FAM90A20: variants seen among roughly 807,000 people sequenced by gnomAD.
The protein encoded by FAM90A20 is family with sequence similarity 90 member A20, also known as protein FAM90A20.
At chr8:7,297,487 T>A in the FAM90A20 span, 15 of 1,535,680 alleles carry the variant, frequency 9.8e-6, 1 homozygote, top group South Asian at 4.5e-5. Flanking sequence ...ATCTCAGCTT[T>A]GGGTCAGGAG....
At chr8:7,297,075 C>A in the FAM90A20 span, 4 of 1,507,152 alleles carry the variant, frequency 2.7e-6, 1 homozygote, top group Non-Finnish European at 3.6e-6. Context: ...GCAAGGGGGC[C>A]AATGCCGGTC....
chr8:7,296,194 C>T, the FAM90A20 span: 1 of 652,480 alleles, frequency 1.5e-6, no homozygotes, highest in Non-Finnish European at 2.8e-6. Context: ...ATTTCTGTAT[C>T]ACAAGACACG....
the FAM90A20 span, chr8:7,296,513 G>C: frequency 2.0e-5 from 13 of 641,654 alleles, 1 homozygote; most frequent in South Asian, 1.7e-4. Flanking sequence ...TGTCTTCTTG[G>C]GGTCAGGGCC....
the FAM90A20 span, chr8:7,295,875 C>G: frequency 7.4e-5 from 49 of 659,780 alleles, 9 homozygotes; most frequent in South Asian, 4.7e-4. Flanking sequence ...GTACTGCCTC[C>G]TAAGGACATG....
chr8:7,296,996 G>C, the FAM90A20 span: 4 of 1,332,692 alleles, frequency 3.0e-6, no homozygotes, highest in Middle Eastern at 2.5e-4. Context: ...GTCTTTGGAT[G>C]TGTTTGATTT....
chr8:7,296,169 G>T, the FAM90A20 span: 30 of 639,912 alleles, frequency 4.7e-5, 7 homozygotes, highest in Admixed American at 2.6e-4. Context: ...GAGGCGGAAA[G>T]GGCACCAGAT....
chr8:7,297,062 G>T, the FAM90A20 span: 13 of 1,502,250 alleles, frequency 8.7e-6, 2 homozygotes, highest in African/African-American at 3.9e-5. Flanking sequence ...TCTCTTTCAG[G>T]TTGCAAGGGG....
At chr8:7,296,005 T>C in the FAM90A20 span, among the ~76,000 whole-genome samples, 1 of 128,270 alleles carries the variant, frequency 7.8e-6, no homozygotes, top group Non-Finnish European at 1.5e-5. Context: ...CTCCTTGGGC[T>C]CTGGGAGATT....
the FAM90A20 span, chr8:7,295,566 T>A: frequency 1.5e-6 from 1 of 673,086 alleles, no homozygotes; most frequent in Non-Finnish European, 2.6e-6. Context: ...CATCCCAATG[T>A]TAACGTGGGA....
At chr8:7,296,031 G>T in the FAM90A20 span, among the ~76,000 whole-genome samples, 2 of 129,416 alleles carry the variant, frequency 1.5e-5, 1 homozygote, top group African/African-American at 8.4e-5. Flanking sequence ...ACGGGGAGAG[G>T]CGGGGGCGCT....
chr8:7,296,372 C>A, the FAM90A20 span: 8 of 744,814 alleles, frequency 1.1e-5, 2 homozygotes, highest in East Asian at 1.0e-4. Flanking sequence ...GGAAAAGGAT[C>A]CACGGAATCT....
At chr8:7,297,322 C>G in the FAM90A20 span, 2 of 1,362,718 alleles carry the variant, frequency 1.5e-6, no homozygotes, top group Admixed American at 3.4e-5. Context: ...CGACACACAG[C>G]AGCCCTGAGG....
At chr8:7,296,897 C>G in the FAM90A20 span, among the ~76,000 whole-genome samples, 1 of 137,186 alleles carries the variant, frequency 7.3e-6, no homozygotes, top group Non-Finnish European at 1.5e-5. Flanking sequence ...TGTGTCTTTT[C>G]CTGATCAGCA....
chr8:7,295,718 G>A, the FAM90A20 span: 1 of 924,214 alleles, frequency 1.1e-6, no homozygotes, highest in South Asian at 1.3e-5. Flanking sequence ...CCTGGTTCCA[G>A]CGACCTTGGG....
the FAM90A20 span, chr8:7,297,138 C>G: frequency 3.3e-6 from 5 of 1,524,320 alleles, 2 homozygotes; most frequent in Non-Finnish European, 4.4e-6. Context: ...GGTCGCTCAG[C>G]TACCGAAATG....
At chr8:7,296,906 C>T in the FAM90A20 span, among the ~76,000 whole-genome samples, 1 of 137,152 alleles carries the variant, frequency 7.3e-6, no homozygotes, top group African/African-American at 3.5e-5. Flanking sequence ...TCCTGATCAG[C>T]ACTCAGGTGG....
At chr8:7,297,292 G>A in the FAM90A20 span, 3 of 1,351,004 alleles carry the variant, frequency 2.2e-6, no homozygotes, top group Non-Finnish European at 2.1e-6. Context: ...AGGTCCACGA[G>A]ACTCTCCTCG....
At chr8:7,297,445 A>T in the FAM90A20 span, 6 of 1,554,294 alleles carry the variant, frequency 3.9e-6, no homozygotes, top group Admixed American at 5.1e-5. Flanking sequence ...CCTGCCCATC[A>T]GCCGCCACAC....
chr8:7,297,740 C>T, the FAM90A20 span: 339 of 1,489,556 alleles, frequency 2.3e-4, 26 homozygotes, highest in Middle Eastern at 1.9e-3. Context: ...ACCTTGCCTG[C>T]CTACTGCCCA....
Sources: allele counts gnomAD v4.1 joint callset (sites outside exome capture counted in the v4.1 genomes callset), GRCh38; gene constraint gnomAD v4.1.1; transcripts MANE v1.5; gene names NCBI Gene and HGNC (gene_info 2026-07-23, HGNC 2026-07-21).